Variants in CDK14 observed in about 807,000 individuals in gnomAD.
CDK14 encodes cyclin dependent kinase 14, also known as cyclin-dependent kinase 14.
In CDK14, 34 loss-of-function variants were observed where a neutral mutation model predicts 60.7. The ratio of observed to expected loss-of-function variants is 0.56; its 90% CI spans 0.43 to 0.75. The LOEUF (loss-of-function observed/expected upper bound fraction) is 0.75. Among genes scored for constraint, CDK14 ranks in the 30% least tolerant of loss-of-function variants. The pLI, the probability that CDK14 is intolerant of heterozygous loss-of-function variation, is 0.00. For synonymous variants in CDK14, 197 were observed against 203.7 expected, an observed-to-expected ratio of 0.97 and a Z score of 0.28; for missense variants, 482 against 564.1, an observed-to-expected ratio of 0.85 and a Z score of 1.47.
At chr7:91,043,440 T>C (rs1584259928) in intron 10 of CDK14, among the ~76,000 whole-genome samples, 4 of 152,372 alleles carry the variant, frequency 2.6e-5, no homozygotes, top group Admixed American at 2.6e-4. Flanking sequence ...CCTTTGTCCT[T>C]GATGCAAATT....
intron 9 of CDK14, among the ~76,000 whole-genome samples, chr7:90,983,645 A>G (rs1007722208): frequency 5.3e-5 from 8 of 150,314 alleles, no homozygotes; most frequent in Non-Finnish European, 1.2e-4. Flanking sequence ...GCGCCACTGC[A>G]CTCCAGCCTG....
chr7:91,162,625 C>T (rs1477191582), intron 14 of CDK14, among the ~76,000 whole-genome samples: 1 of 152,210 alleles, frequency 6.6e-6, no homozygotes, highest in East Asian at 1.9e-4. Flanking sequence ...AGGCTTAGTA[C>T]TTACTGACTC....
intron 2 of CDK14, among the ~76,000 whole-genome samples, chr7:90,617,737 G>T (rs986925031): frequency 2.6e-5 from 4 of 152,152 alleles, no homozygotes; most frequent in African/African-American, 7.2e-5. Flanking sequence ...TTTTTATCTG[G>T]ATTTAGGTGG....
At chr7:90,934,401 G>C (rs1480474469) in intron 8 of CDK14, among the ~76,000 whole-genome samples, 1 of 152,238 alleles carries the variant, frequency 6.6e-6, no homozygotes, top group Non-Finnish European at 1.5e-5. Context: ...TGGGATAGAA[G>C]GAGAGTGATA....
At chr7:90,688,227 T>A (rs1231514894) in intron 2 of CDK14, among the ~76,000 whole-genome samples, 1 of 152,262 alleles carries the variant, frequency 6.6e-6, no homozygotes, top group East Asian at 1.9e-4. Context: ...TTCAGAGATT[T>A]CTGGTGGACA....
rs960365304 is a variant in CDK14, at chr7:90,732,593, A to T, written c.369+5781A>T. Among the ~76,000 whole-genome samples, 5 of 152,128 alleles carry T rather than the reference A, an allele frequency of 3.3e-5. No homozygotes were observed. The East Asian group carries it at 9.6e-4, about 29-fold the overall frequency. ...GGAGGGTGTATGTGTCCAGGAATTTATCCATTTCTTCTAGATTTTTTAGTT... is the reference window on the plus strand; with the variant it reads ...GGAGGGTGTATGTGTCCAGGAATTTTTCCATTTCTTCTAGATTTTTTAGTT... On this transcript the variant is annotated intron_variant, in intron 3 of 14. Coordinates refer to ENST00000380050, the MANE Select transcript of CDK14 (RefSeq NM_001287135.2).
intron 4 of CDK14, among the ~76,000 whole-genome samples, chr7:90,773,472 C>T (rs189354489): frequency 2.6e-5 from 4 of 152,290 alleles, no homozygotes; most frequent in East Asian, 3.9e-4. Flanking sequence ...CAGGGCCTGC[C>T]GCATAGTGGA....
At chr7:90,710,358 C>T (rs746199068) in intron 2 of CDK14, 89 of 984,912 alleles carry the variant, frequency 9.0e-5, no homozygotes, top group Non-Finnish European at 1.0e-4. Context: ...GGCTGAATGC[C>T]CTCTGAGTCA....
intron 5 of CDK14, among the ~76,000 whole-genome samples, chr7:90,832,714 C>T (rs1406541818): frequency 1.3e-5 from 2 of 152,084 alleles, no homozygotes; most frequent in African/African-American, 2.4e-5. Context: ...AACACTTTTC[C>T]TCTACATTAT....
chr7:90,874,659 G>A (rs902493967), intron 6 of CDK14, among the ~76,000 whole-genome samples: 34 of 149,940 alleles, frequency 2.3e-4, no homozygotes, highest in African/African-American at 8.3e-4. Flanking sequence ...CTCCCCAGTA[G>A]CTGGGACTAC....
intron 8 of CDK14, among the ~76,000 whole-genome samples, chr7:90,923,676 G>C (rs531210620): frequency 6.6e-6 from 1 of 152,162 alleles, no homozygotes; most frequent in African/African-American, 2.4e-5. Context: ...TTTAAATGCA[G>C]AACAAATTGC....
At chr7:90,701,002 C>T (rs1801773684) in intron 2 of CDK14, among the ~76,000 whole-genome samples, 2 of 152,184 alleles carry the variant, frequency 1.3e-5, no homozygotes, top group African/African-American at 4.8e-5. Context: ...GTTTACTTTA[C>T]AATGTCTTCT....
chr7:91,150,200 A>G (rs1800791241), intron 14 of CDK14, among the ~76,000 whole-genome samples: 1 of 152,358 alleles, frequency 6.6e-6, no homozygotes, highest in Admixed American at 6.5e-5. Context: ...GGGACATTCA[A>G]TGGTGCATTT....
chr7:91,009,040 C>G (rs972762852), intron 10 of CDK14, among the ~76,000 whole-genome samples: 1 of 152,020 alleles, frequency 6.6e-6, no homozygotes, highest in African/African-American at 2.4e-5. Flanking sequence ...CATCCCCAAG[C>G]GACTACTGAT....
At chr7:91,007,303 T>C (rs1796006038) in intron 10 of CDK14, among the ~76,000 whole-genome samples, 3 of 152,190 alleles carry the variant, frequency 2.0e-5, no homozygotes, top group African/African-American at 7.2e-5. Context: ...CAACAAAACC[T>C]GGTTTTCAAT....
intron 3 of CDK14, among the ~76,000 whole-genome samples, chr7:90,738,533 T>C (rs1278000888): frequency 6.6e-6 from 1 of 152,226 alleles, no homozygotes; most frequent in Non-Finnish European, 1.5e-5. Context: ...GACGGTTCTC[T>C]ATACTTTTAT....
chr7:90,925,085 C>A (rs1333270310), intron 8 of CDK14, among the ~76,000 whole-genome samples: 1 of 152,012 alleles, frequency 6.6e-6, no homozygotes, highest in African/African-American at 2.4e-5. Flanking sequence ...AATCTTGGTG[C>A]AAATAATCAA....
At chr7:90,869,132 A>G (rs1791287162) in intron 6 of CDK14, among the ~76,000 whole-genome samples, 1 of 152,210 alleles carries the variant, frequency 6.6e-6, no homozygotes, top group Admixed American at 6.5e-5. Flanking sequence ...TCTGTTCTTG[A>G]AAAACTGTAG....
At chr7:90,763,747 C>T (rs1264560313) in intron 4 of CDK14, among the ~76,000 whole-genome samples, 2 of 152,042 alleles carry the variant, frequency 1.3e-5, no homozygotes, top group African/African-American at 4.8e-5. Context: ...CAAACCAACA[C>T]AGCACATGTA....
Sources: gnomAD v4.1 joint callset for allele counts (sites outside exome capture counted in the v4.1 genomes callset) on GRCh38, gnomAD v4.1.1 for gene constraint, MANE v1.5 for transcripts, NCBI Gene and HGNC (gene_info 2026-07-23, HGNC 2026-07-21) for gene names.